PPP1CB: variants seen among roughly 807,000 people sequenced by gnomAD.
PPP1CB encodes serine/threonine-protein phosphatase PP1-beta catalytic subunit.
PPP1CB carries 2 observed loss-of-function variants against 43.7 expected under a neutral mutation model. That is an observed-to-expected ratio of 0.05 (90% CI 0.02 to 0.14). The LOEUF (loss-of-function observed/expected upper bound fraction) is 0.14, where lower values mean the gene tolerates loss of function less well. Ranked by LOEUF, PPP1CB falls within the 10% of genes least tolerant of loss-of-function variation. PPP1CB has a pLI of 1.00. For missense variants in PPP1CB, 84 were observed against 398.0 expected, an observed-to-expected ratio of 0.21 and a Z score of 6.71; for synonymous variants, 136 against 135.6, an observed-to-expected ratio of 1.00 and a Z score of -0.02.
At chr2:28,784,431 T>C (rs1279390321) in intron 5 of PPP1CB, among the ~76,000 whole-genome samples, 2 of 152,158 alleles carry the variant, frequency 1.3e-5, no homozygotes, top group African/African-American at 2.4e-5. Flanking sequence ...TTTTTAGAGC[T>C]TTTTTTCAAG....
chr2:28,785,657 A>AT (rs368074680), intron 5 of PPP1CB, among the ~76,000 whole-genome samples: 9,192 of 149,490 alleles, frequency 0.061, 377 homozygotes, highest in Non-Finnish European at 0.09. Flanking sequence ...GAAAAAAAAA[A>AT]TTTTTTTTTT....
chr2:28,761,845 C>T (rs1666660773), intron 1 of PPP1CB, among the ~76,000 whole-genome samples: 1 of 152,158 alleles, frequency 6.6e-6, no homozygotes, highest in South Asian at 2.1e-4. Flanking sequence ...TGGCCAGGAA[C>T]TATAGGGCAG....
At chr2:28,771,615 A>T (rs1000960355) in intron 1 of PPP1CB, among the ~76,000 whole-genome samples, 1 of 152,202 alleles carries the variant, frequency 6.6e-6, no homozygotes, top group Non-Finnish European at 1.5e-5. Flanking sequence ...CAAAGCTGCC[A>T]TTGCGGTTCA....
intron 1 of PPP1CB, among the ~76,000 whole-genome samples, chr2:28,776,536 A>C (rs1336039222): frequency 6.6e-6 from 1 of 152,176 alleles, no homozygotes; most frequent in Non-Finnish European, 1.5e-5. Flanking sequence ...CTGGGATTAC[A>C]GGCATGAGCC....
chr2:28,752,650 A>G (rs534362848), intron 1 of PPP1CB, among the ~76,000 whole-genome samples: 2 of 152,264 alleles, frequency 1.3e-5, no homozygotes, highest in South Asian at 4.1e-4. Context: ...TTACGTATAT[A>G]TATATAAACC....
intron 5 of PPP1CB, among the ~76,000 whole-genome samples, chr2:28,787,758 A>G: frequency 6.6e-6 from 1 of 152,108 alleles, no homozygotes; most frequent in South Asian, 2.1e-4. Context: ...CTCAATACCT[A>G]ATGTTCATTC....
intron 1 of PPP1CB, among the ~76,000 whole-genome samples, chr2:28,764,765 C>CA (rs1666744485): frequency 6.6e-6 from 1 of 151,850 alleles, no homozygotes; most frequent in Non-Finnish European, 1.5e-5. Flanking sequence ...ACTAAAAATA[C>CA]AAAAAATTAG....
Position 28,778,858 on chromosome 2 carries a change from A to T in PPP1CB, c.234A>T (p.Gly78=), listed in dbSNP as rs769841075. The T allele has an allele frequency of 2.5e-6, 4 of 1,605,062 alleles. No individual in the cohort carries two copies. The South Asian group carries it at 4.4e-5, about 18-fold the overall frequency. Residue 78 remains glycine, a synonymous_variant, in exon 3 of 8, where the codon GGA becomes GGT. Coordinates refer to ENST00000395366, the MANE Select transcript of PPP1CB (RefSeq NM_002709.3). ...YTDLLRLFEY[G]GFPPEANYLF... is the part of the protein sequence containing the mutation. Reference sequence around the variant, plus strand: ...ATTTACTGAGATTATTTGAATATGGAGGTTTCCCACCAGAAGCCAACTATC... The same window carrying T: ...ATTTACTGAGATTATTTGAATATGGTGGTTTCCCACCAGAAGCCAACTATC...
chr2:28,764,154 A>T (rs530752720), intron 1 of PPP1CB, among the ~76,000 whole-genome samples: 1 of 151,986 alleles, frequency 6.6e-6, no homozygotes, highest in South Asian at 2.1e-4. Flanking sequence ...GAAAAGCAAG[A>T]GAGAAAGAAT....
intron 1 of PPP1CB, among the ~76,000 whole-genome samples, chr2:28,775,785 A>C (rs189534834): frequency 2.0e-5 from 3 of 152,282 alleles, no homozygotes; most frequent in Admixed American, 2.0e-4. Context: ...AATGATTACA[A>C]GTTGAGTTCA....
chr2:28,776,916 A>C lies in PPP1CB; in HGVS notation c.118A>C (p.Lys40Gln). The C allele has an allele frequency of 6.2e-7, 1 of 1,613,800 alleles. No homozygotes were observed. The highest frequency in any genetic ancestry group is 8.5e-7 in the Non-Finnish European group (1 of 1,179,752). The stretch of plus-strand genomic sequence containing the variant: ...AGCAGAAGTTCGAGGCTTATGTATC[A>C]AGTCTCGGGAGATCTTTCTCAGCCA... The part of the protein sequence containing the change: ...TEAEVRGLCI[K>Q]SREIFLSQPI... The change falls in exon 2 of 8, where the codon AAG (lysine) becomes CAG (glutamine). Residue 40 changes from lysine (K) to glutamine (Q), a missense_variant. By Grantham distance (53) the Lys-to-Gln change is moderately conservative (BLOSUM62 1). Coordinates refer to ENST00000395366, the MANE Select transcript of PPP1CB (RefSeq NM_002709.3).
chr2:28,762,198 T>C (rs1666672083), intron 1 of PPP1CB, among the ~76,000 whole-genome samples: 1 of 152,178 alleles, frequency 6.6e-6, no homozygotes, highest in Non-Finnish European at 1.5e-5. Context: ...GGCACAAGAA[T>C]TGCTTGAATC....
At chr2:28,787,499 T>C (rs757299382) in intron 5 of PPP1CB, among the ~76,000 whole-genome samples, 27 of 152,174 alleles carry the variant, frequency 1.8e-4, no homozygotes, top group Non-Finnish European at 3.5e-4. Flanking sequence ...ACTGCAATTC[T>C]TAGAAAATCA....
chr2:28,771,048 C>G lies in PPP1CB; in HGVS notation c.53-5803C>G, dbSNP rs1202673024. Among the ~76,000 whole-genome samples, 52 of 99,168 alleles carry G rather than the reference C, an allele frequency of 5.2e-4. 4 individuals are homozygous for G. Among genetic ancestry groups the G allele is most frequent in the Non-Finnish European group, 9.1e-4 (45 of 49,466 alleles). 65.1% of individuals were successfully genotyped at this position (99,168 alleles called of 152,430 possible). A position where few individuals can be genotyped will look rare whatever the true frequency, so the allele number is the denominator to read the frequency against. On this transcript the variant is annotated intron_variant, in intron 1 of 7. Transcript: ENST00000395366. ...ACCTACTTATTCCCTGCTCCCCCCC[C>G]CCCACCCTTTTTTTTTTTTTTTGAG...
chr2:28,799,160 A>G (rs777148325), intron 7 of PPP1CB, 39 bp from the exon 8 acceptor site: 3 of 1,368,340 alleles, frequency 2.2e-6, no homozygotes, highest in East Asian at 2.4e-5. Context: ...ACTTCTGTAC[A>G]TGAAAAAATA....
intron 1 of PPP1CB, among the ~76,000 whole-genome samples, chr2:28,774,472 C>G (rs903072581): frequency 6.6e-6 from 1 of 152,166 alleles, no homozygotes; most frequent in African/African-American, 2.4e-5. Context: ...GTCTCCCAGG[C>G]TGGAGTGCTG....
At chr2:28,765,525 A>G (rs1160079865) in intron 1 of PPP1CB, among the ~76,000 whole-genome samples, 1 of 152,224 alleles carries the variant, frequency 6.6e-6, no homozygotes, top group Non-Finnish European at 1.5e-5. Flanking sequence ...TCAAGGTTTG[A>G]AGAATGCTAG....
chr2:28,783,507 C>T (rs184818364), intron 4 of PPP1CB, among the ~76,000 whole-genome samples: 49 of 152,256 alleles, frequency 3.2e-4, no homozygotes, highest in Admixed American at 6.5e-4. Context: ...CCTGTAATCT[C>T]AGCACTTTGG....
At chr2:28,777,795 G>A (rs1399614034) in intron 2 of PPP1CB, among the ~76,000 whole-genome samples, 2 of 152,168 alleles carry the variant, frequency 1.3e-5, no homozygotes, top group African/African-American at 4.8e-5. Context: ...TGGGATTACA[G>A]GTGTGAGCCA....
Sources: allele counts gnomAD v4.1 joint callset (sites outside exome capture counted in the v4.1 genomes callset), GRCh38; gene constraint gnomAD v4.1.1; transcripts MANE v1.5; gene names NCBI Gene and HGNC (gene_info 2026-07-23, HGNC 2026-07-21).